UPF1: variants seen among roughly 807,000 people sequenced by gnomAD.
The protein encoded by UPF1 is regulator of nonsense transcripts 1.
Under a neutral mutation model 129.2 loss-of-function variants are expected in UPF1, and 9 were observed. The ratio of observed to expected loss-of-function variants is 0.07; its 90% CI spans 0.04 to 0.12. The LOEUF (loss-of-function observed/expected upper bound fraction) is 0.12, where lower values mean the gene tolerates loss of function less well. Among genes scored for constraint, UPF1 ranks in the 10% least tolerant of loss-of-function variants. The probability of loss-of-function intolerance (pLI) is 1.00; values close to 1 mark genes in which losing one functional copy is unlikely to be tolerated. For missense variants in UPF1, 788 were observed against 1,525.3 expected (o/e 0.52, Z 8.05); for synonymous variants, 649 against 644.9 (o/e 1.01, Z -0.10).
intron 14 of UPF1, 97 bp downstream of exon 14, chr19:18,857,117 C>T: frequency 6.5e-7 from 1 of 1,540,182 alleles, no homozygotes; most frequent in East Asian, 2.3e-5. Flanking sequence ...GGATGCCCAG[C>T]AGAGTGTGCG....
chr19:18,839,253 A>G (rs1189911006), intron 1 of UPF1, among the ~76,000 whole-genome samples: 1 of 152,016 alleles, frequency 6.6e-6, no homozygotes, highest in East Asian at 1.9e-4. Context: ...CACCATGCCC[A>G]ACTAATTTTT....
Position 18,832,231 on chromosome 19 carries a change from C to G in UPF1, c.22C>G (p.Pro8Ala). Residue 8 changes from proline to alanine, a missense_variant, in exon 1 of 24, where the codon CCC becomes GCC. Physicochemically the swap from Pro to Ala is conservative, Grantham distance 27. Transcript: ENST00000262803. This position sits in a 1 kb window ranked among gnomAD's most constrained non-coding sequence, Gnocchi z 5.6. Reference protein sequence around the residue: MSVEAYGPSSQTLTFLDT... With the variant: MSVEAYGASSQTLTFLDT... ...CACCATGAGCGTGGAGGCGTACGGG[C>G]CCAGCTCGCAGACTCTCACTTTCCT... 6.5e-7 allele frequency: 1 copy of G among 1,547,360 alleles called. No individual in the cohort carries two copies. The highest frequency in any genetic ancestry group is 8.7e-7 in the Non-Finnish European group (1 of 1,146,288).
At chr19:18,864,334 GC>G in intron 20 of UPF1, 83 bp downstream of exon 20, 2 of 1,311,004 alleles carry the variant, frequency 1.5e-6, no homozygotes, top group Non-Finnish European at 2.1e-6. Context: ...AGCTTTAGGT[GC>G]CCCCATCTTT....
chr19:18,837,000 C>T (rs2055490647), intron 1 of UPF1, among the ~76,000 whole-genome samples: 1 of 152,076 alleles, frequency 6.6e-6, no homozygotes, highest in Non-Finnish European at 1.5e-5. Context: ...GTTCCGCCCT[C>T]CTCTACCTCC....
At position 18,857,328 on chromosome 19, in the gene UPF1, T is replaced by C. The variant is rs149976729; in HGVS notation, c.1977T>C (p.Leu659=). 7.7e-5 allele frequency: 124 copies of C among 1,612,040 alleles called. No homozygotes were observed. Among genetic ancestry groups the C allele is most frequent in the Non-Finnish European group, 1.0e-4 (121 of 1,179,618 alleles). Residue 659 remains leucine, a synonymous_variant, in exon 15 of 24, where the codon CTT becomes CTC. Transcript: ENST00000262803. The part of the protein sequence containing the change: ...PVVLGAKQLI[L]VGDHCQLGPV... Reference sequence around the variant, plus strand: ...GGCCCCTGTTCCTACAGCTGATCCTTGTAGGCGACCACTGCCAGCTGGGCC... The same window carrying C: ...GGCCCCTGTTCCTACAGCTGATCCTCGTAGGCGACCACTGCCAGCTGGGCC...
At chr19:18,855,547 T>G (rs1349911660) in intron 11 of UPF1, 2 of 524,624 alleles carry the variant, frequency 3.8e-6, no homozygotes, top group African/African-American at 1.9e-5. Context: ...GTTCCAGCCT[T>G]GGCATTGCTT....
chr19:18,854,133 C>T (rs887029801), intron 8 of UPF1, among the ~76,000 whole-genome samples: 5 of 152,176 alleles, frequency 3.3e-5, no homozygotes, highest in Non-Finnish European at 7.3e-5. Context: ...TTTGCTTGGC[C>T]GTACTGGGAG....
At position 18,862,033 on chromosome 19, in the gene UPF1, C is replaced by T. The variant is rs367665925; in HGVS notation, c.2481C>T (p.Asp827=). The T allele has an allele frequency of 1.5e-5, 24 of 1,613,854 alleles. No individual in the cohort carries two copies. Among genetic ancestry groups the T allele is most frequent in the Admixed American group, 6.7e-5 (4 of 59,996 alleles). ...LYQEVEIASV[D]AFQGREKDFI... ...AGGAGGTGGAGATCGCCAGTGTGGA[C>T]GCCTTTCAGGGACGCGAGAAGGACT... The change falls in exon 18 of 24, where the codon GAC becomes GAT. Residue 827 remains aspartate (D), a synonymous_variant. Transcript: ENST00000262803.
chr19:18,855,469 A>C lies in UPF1; in HGVS notation c.1544+227A>C, dbSNP rs998861457. The stretch of plus-strand genomic sequence containing the variant: ...GCTACTGGTTTAGAAAACTGGGGGC[A>C]GGGGGGGCATGGCTGCAGCAGCGTG... On this transcript the variant is annotated intron_variant, in intron 11 of 23. Transcript: ENST00000262803. 1.7e-5 allele frequency: 10 copies of C among 600,658 alleles called. No homozygotes were observed. In the African/African-American group the frequency reaches 1.7e-4, roughly 10 times the overall value. The allele number at this position is 600,658 out of a possible 1,614,324, so 37.2% of individuals were successfully genotyped here. A position where few individuals can be genotyped will look rare whatever the true frequency, so the allele number is the denominator to read the frequency against.
At chr19:18,844,993 A>C (rs1302036269) in intron 1 of UPF1, among the ~76,000 whole-genome samples, 1 of 152,262 alleles carries the variant, frequency 6.6e-6, no homozygotes, top group Admixed American at 6.5e-5. Flanking sequence ...CATGCACCCC[A>C]GCCAGGCGGG....
chr19:18,854,794 G>A, intron 9 of UPF1, 85 bp downstream of exon 9: 1 of 1,606,194 alleles, frequency 6.2e-7, no homozygotes, highest in Non-Finnish European at 8.5e-7. Context: ...TGTGGAGTGG[G>A]GTTCCCCACC....
At chr19:18,849,705 C>T in intron 3 of UPF1, 4 of 231,330 alleles carry the variant, frequency 1.7e-5, no homozygotes, top group South Asian at 9.6e-5. Flanking sequence ...CGGGGGTTGA[C>T]CTTGGAAAGA....
rs527978450 is a variant in UPF1, at chr19:18,853,538, G to A, written c.1156+188G>A. On this transcript the variant is annotated intron_variant, in intron 8 of 23. Transcript: ENST00000262803. This position sits in a 1 kb window ranked among gnomAD's most constrained non-coding sequence, Gnocchi z 4.4. Reference sequence around the variant, plus strand: ...GGGCCTTCACCTTCAGGGGACAGCTGGTTGTATGGTTGCTTCCCCTCTGCC... The same window carrying A: ...GGGCCTTCACCTTCAGGGGACAGCTAGTTGTATGGTTGCTTCCCCTCTGCC... Among the ~76,000 whole-genome samples the A allele has an allele frequency of 3.8e-4, 58 of 152,364 alleles. No homozygotes were observed. The highest frequency in any genetic ancestry group is 1.3e-3 in the African/African-American group (54 of 41,580).
In UPF1 at chr19:18,850,929, G is replaced by T. The variant is rs2145951273; in HGVS notation, c.810+61G>T. On this transcript the variant is annotated intron_variant, in intron 5 of 23. Transcript: ENST00000262803. This position sits in a 1 kb window ranked among gnomAD's most constrained non-coding sequence, Gnocchi z 7.1. The stretch of plus-strand genomic sequence containing the variant: ...GTGGTTTCTGGTTGCGGGGAGGGGA[G>T]TGTCTTCAGAGACGGCTTGACCCAG... 1 of 1,465,064 alleles carries T rather than the reference G, an allele frequency of 6.8e-7. No individual in the cohort carries two copies. The highest frequency in any genetic ancestry group is 2.3e-4 in the Middle Eastern group (1 of 4,280). The allele number at this position is 1,465,064 out of a possible 1,614,324, so 90.8% of individuals were successfully genotyped here. A position where few individuals can be genotyped will look rare whatever the true frequency, so the allele number is the denominator to read the frequency against.
chr19:18,866,544 C>T lies in UPF1; in HGVS notation c.*27C>T, dbSNP rs960704637. The T allele has an allele frequency of 2.4e-5, 5 of 206,364 alleles. No homozygotes were observed. The highest frequency in any genetic ancestry group is 1.3e-4 in the East Asian group (1 of 7,952). 12.8% of individuals were successfully genotyped at this position (206,364 alleles called of 1,614,324 possible). A position where few individuals can be genotyped will look rare whatever the true frequency, so the allele number is the denominator to read the frequency against. On this transcript the variant is annotated 3_prime_UTR_variant, in exon 24 of 24. Coordinates refer to ENST00000262803, the MANE Select transcript of UPF1 (RefSeq NM_002911.4). ...AGGTGGCGGCGGAAGAGCTAAGCAA[C>T]GTGGCTTAGTCCATCAGCATCTTAT...
rs760564811 is a variant in UPF1 at position 18,863,503 on chromosome 19, T to A, written c.2666T>A (p.Leu889Gln). 6.2e-7 allele frequency: 1 copy of A among 1,613,918 alleles called. No homozygotes were observed. The change falls in exon 19 of 24, where the codon CTG (leucine) becomes CAG (glutamine). Residue 889 changes from leucine to glutamine, a missense_variant. By Grantham distance (113) the Leu-to-Gln change is moderately radical. Transcript: ENST00000262803. ...AAGCAGCCGCTCTGGAACCACCTGC[T>A]GAACTACTATAAGGAGCAGAAGGTG... ...LSKQPLWNHL[L>Q]NYYKEQKVLV... is the part of the protein sequence containing the mutation.
Position 18,852,005 on chromosome 19 carries a change from C to T in UPF1, c.811-130C>T. The T allele has an allele frequency of 4.5e-6, 6 of 1,339,756 alleles. No homozygotes were observed. The South Asian group carries it at 9.8e-5, about 22-fold the overall frequency. The allele number at this position is 1,339,756 out of a possible 1,614,324, so 83.0% of individuals were successfully genotyped here. A position where few individuals can be genotyped will look rare whatever the true frequency, so the allele number is the denominator to read the frequency against. ...CAGGTGGGGCTGCGCCAGAACCCCT[C>T]CATGCCACCCACCGTGGCCCATTCT... On this transcript the variant is annotated intron_variant, in intron 5 of 23. Transcript: ENST00000262803.
Position 18,851,719 on chromosome 19 carries a change from C to G in UPF1, c.811-416C>G, listed in dbSNP as rs953631716. ...GGGCTGTGGACACAGCGAGAGAAAC[C>G]GGTGGTCTTTGTGGCAGCCTGCGAG... On this transcript the variant is annotated intron_variant, in intron 5 of 23. Transcript: ENST00000262803. The surrounding 1 kb of genome is among the most constrained non-coding windows in gnomAD (Gnocchi z 4.2). Among the ~76,000 whole-genome samples, 1 of 152,210 alleles carries G rather than the reference C, an allele frequency of 6.6e-6. No homozygotes were observed. The highest frequency in any genetic ancestry group is 1.5e-5 in the Non-Finnish European group (1 of 68,026).
chr19:18,855,101 C>G (rs1252126367), intron 10 of UPF1, 23 bp from the exon 11 acceptor site: 1 of 1,613,514 alleles, frequency 6.2e-7, no homozygotes. Context: ...GGAGGCTGCC[C>G]CTAACGGCCG....
Sources: gnomAD v4.1 joint callset for allele counts (sites outside exome capture counted in the v4.1 genomes callset) on GRCh38, gnomAD v4.1.1 for gene constraint, Gnocchi (gnomAD v3.1) non-coding constraint, MANE v1.5 for transcripts, NCBI Gene and HGNC (gene_info 2026-07-23, HGNC 2026-07-21) for gene names.